The following GNAS-AS1 variants were observed in gnomAD, a reference collection of about 807,000 sequenced individuals.
GNAS-AS1 encodes GNAS antisense RNA 1.
At chr20:58,828,804 C>A (rs2085536594) in intron 4 of GNAS-AS1, among the ~76,000 whole-genome samples, 1 of 152,206 alleles carries the variant, frequency 6.6e-6, no homozygotes, top group Admixed American at 6.5e-5. Context: ...AGACCAAAGG[C>A]AGAACTCTTA....
chr20:58,846,095 A>G (rs2085929446), intron 2 of GNAS-AS1, among the ~76,000 whole-genome samples: 1 of 152,204 alleles, frequency 6.6e-6, no homozygotes, highest in South Asian at 2.1e-4. Flanking sequence ...GGAAAAGAAG[A>G]ATTTGAGGGA....
At chr20:58,839,853 A>C in intron 4 of GNAS-AS1, 3 of 596,700 alleles carry the variant, frequency 5.0e-6, no homozygotes, top group South Asian at 4.0e-5. Flanking sequence ...GAGGAGACAG[A>C]ACTTTCCCCT....
At chr20:58,828,410 C>T (rs2085534011) in intron 4 of GNAS-AS1, among the ~76,000 whole-genome samples, 1 of 152,204 alleles carries the variant, frequency 6.6e-6, no homozygotes, top group Non-Finnish European at 1.5e-5. Flanking sequence ...GCTCATGTTC[C>T]ACCTTCACGG....
chr20:58,841,995 C>T lies in GNAS-AS1; in HGVS notation n.761G>A. ...CTGGGGAAAGGTGTTGGATCCGGCG[C>T]CAGTCCTTGGACGATCAGTCGTCGA... On this transcript the variant is annotated non_coding_transcript_exon_variant, in exon 4 of 5. Coordinates refer to ENST00000424094, the Ensembl canonical transcript of GNAS-AS1. This position sits in a 1 kb window ranked among gnomAD's most constrained non-coding sequence, Gnocchi z 5.0. The T allele has an allele frequency of 1.1e-6, 1 of 931,680 alleles. No homozygotes were observed. The highest frequency in any genetic ancestry group is 1.4e-6 in the Non-Finnish European group (1 of 713,600). The allele number at this position is 931,680 out of a possible 1,614,324, so 57.7% of individuals were successfully genotyped here.
chr20:58,828,732 CCTGT>C (rs138026005), intron 4 of GNAS-AS1, among the ~76,000 whole-genome samples: 2 of 152,338 alleles, frequency 1.3e-5, no homozygotes, highest in African/African-American at 4.8e-5. Flanking sequence ...CATCTTTCTA[CCTGT>C]CTGATACCTT....
At chr20:58,823,501 G>A (rs1339586237) in intron 4 of GNAS-AS1, among the ~76,000 whole-genome samples, 1 of 152,180 alleles carries the variant, frequency 6.6e-6, no homozygotes, top group Non-Finnish European at 1.5e-5. Flanking sequence ...TGGAGCATGC[G>A]GTGATGTCCG....
exon 3 of GNAS-AS1, chr20:58,842,500 G>A: frequency 2.5e-6 from 1 of 398,636 alleles, no homozygotes; most frequent in Admixed American, 4.4e-5. Flanking sequence ...ACTTAGTTCT[G>A]CCGGGCTGCA....
At chr20:58,839,214 G>C in intron 4 of GNAS-AS1, 1 of 398,560 alleles carries the variant, frequency 2.5e-6, no homozygotes, top group East Asian at 3.6e-5. Context: ...CAGACTGTTT[G>C]AGCACGTATT....
At chr20:58,850,879 G>A (rs1172460585) in exon 1 of GNAS-AS1, 7 of 398,592 alleles carry the variant, frequency 1.8e-5, no homozygotes, top group Non-Finnish European at 2.7e-5. Flanking sequence ...GCACCTCTTC[G>A]GGCGTTCCAA....
intron 4 of GNAS-AS1, among the ~76,000 whole-genome samples, chr20:58,830,519 C>T (rs1352161009): frequency 2.9e-4 from 5 of 16,956 alleles, no homozygotes; most frequent in Admixed American, 6.3e-4. Flanking sequence ...ATCATCACCA[C>T]CACACCACCA....
rs183454229 is a variant in GNAS-AS1 at position 58,841,615 on chromosome 20, C to G, written n.819+322G>C. 2,026 of 1,048,726 alleles carry G rather than the reference C, an allele frequency of 1.9e-3. 35 individuals carry two copies. In the African/African-American group the frequency reaches 0.032, roughly 16 times the overall value. The allele number at this position is 1,048,726 out of a possible 1,614,324, so 65.0% of individuals were successfully genotyped here. On this transcript the variant is annotated intron_variant and non_coding_transcript_variant, in intron 4 of 4. Coordinates refer to ENST00000424094, the Ensembl canonical transcript of GNAS-AS1. The surrounding 1 kb of genome is among the most constrained non-coding windows in gnomAD (Gnocchi z 5.0). ...GCCTCAAAGAGCGTGCGCACCTGCCCGCGCGCGCCGGAGCTGACCTCTCCC... is the reference window on the plus strand; with the variant it reads ...GCCTCAAAGAGCGTGCGCACCTGCCGGCGCGCGCCGGAGCTGACCTCTCCC...
At chr20:58,823,270 T>G (rs1380328697) in intron 4 of GNAS-AS1, among the ~76,000 whole-genome samples, 1 of 152,230 alleles carries the variant, frequency 6.6e-6, no homozygotes, top group Non-Finnish European at 1.5e-5. Flanking sequence ...TCGGCCCCCA[T>G]GCCTGTGCGT....
Position 58,841,779 on chromosome 20 carries a change from T to A in GNAS-AS1, n.819+158A>T. 8.1e-7 allele frequency: 1 copy of A among 1,230,460 alleles called. No homozygotes were observed. Among genetic ancestry groups the A allele is most frequent in the Non-Finnish European group, 1.0e-6 (1 of 987,668 alleles). 76.2% of individuals were successfully genotyped at this position (1,230,460 alleles called of 1,614,324 possible). On this transcript the variant is annotated intron_variant and non_coding_transcript_variant, in intron 4 of 4. Transcript: ENST00000424094. This position sits in a 1 kb window ranked among gnomAD's most constrained non-coding sequence, Gnocchi z 5.0. Reference sequence around the variant, plus strand: ...GGTATTGCCAAGCTTTTGGCGCAGCTGGTCGGGTGGCCAGGCTGCATGCGG... The same window carrying A: ...GGTATTGCCAAGCTTTTGGCGCAGCAGGTCGGGTGGCCAGGCTGCATGCGG...
intron 4 of GNAS-AS1, among the ~76,000 whole-genome samples, chr20:58,822,999 CT>C (rs1220758330): frequency 6.6e-6 from 1 of 152,172 alleles, no homozygotes; most frequent in Non-Finnish European, 1.5e-5. Flanking sequence ...CCCGCCACCC[CT>C]GGCGCCTACT....
In GNAS-AS1 at chr20:58,838,688, C is replaced by T. The variant is rs538014476; in HGVS notation, n.819+3249G>A. ...ATCCCAGCACTTTGGGAGGCCGAGG[C>T]GGGCGGATCACTTGAGGTCAGGAGT... is the stretch of plus-strand genomic sequence containing the variant. On this transcript the variant is annotated intron_variant and non_coding_transcript_variant, in intron 4 of 4. Transcript: ENST00000424094. 59 of 237,990 alleles carry T rather than the reference C, an allele frequency of 2.5e-4. 1 individual carries two copies. The highest frequency in any genetic ancestry group is 1.1e-3 in the African/African-American group (50 of 44,600). 14.7% of individuals were successfully genotyped at this position (237,990 alleles called of 1,614,324 possible). A position where few individuals can be genotyped will look rare whatever the true frequency, so the allele number is the denominator to read the frequency against.
intron 2 of GNAS-AS1, among the ~76,000 whole-genome samples, chr20:58,846,552 C>G (rs1406189032): frequency 6.6e-6 from 1 of 152,216 alleles, no homozygotes; most frequent in Admixed American, 6.5e-5. Context: ...AGCTGTCTAG[C>G]TCCAAGGCTA....
At chr20:58,828,443 TA>T (rs1209611603) in intron 4 of GNAS-AS1, among the ~76,000 whole-genome samples, 1 of 152,202 alleles carries the variant, frequency 6.6e-6, no homozygotes, top group Non-Finnish European at 1.5e-5. Flanking sequence ...CTTGGTGTAG[TA>T]AACAATTGAG....
intron 2 of GNAS-AS1, among the ~76,000 whole-genome samples, chr20:58,845,167 G>A (rs551685053): frequency 6.6e-6 from 1 of 152,288 alleles, no homozygotes; most frequent in Admixed American, 6.5e-5. Flanking sequence ...ACCACTGTGG[G>A]GGACGGCAGA....
Position 58,840,372 on chromosome 20 carries a change from A to G in GNAS-AS1, n.819+1565T>C, listed in dbSNP as rs563844600. On this transcript the variant is annotated intron_variant and non_coding_transcript_variant, in intron 4 of 4. Transcript: ENST00000424094. The surrounding 1 kb of genome is among the most constrained non-coding windows in gnomAD (Gnocchi z 6.0). ...GAATCGGAATCTGACCACGAGCACG[A>G]GGAGGCAGACCTTGAGCTGTCCCTC... The G allele has an allele frequency of 1.0e-4, 166 of 1,613,394 alleles. 3 individuals carry two copies. In the South Asian group the frequency reaches 1.8e-3, roughly 17 times the overall value.
Sources: gnomAD v4.1 joint callset for allele counts (sites outside exome capture counted in the v4.1 genomes callset) on GRCh38, gnomAD v4.1.1 for gene constraint, Gnocchi (gnomAD v3.1) non-coding constraint, MANE v1.5 for transcripts, NCBI Gene and HGNC (gene_info 2026-07-23, HGNC 2026-07-21) for gene names.